The following MID1 variants were observed in gnomAD, a reference collection of about 807,000 sequenced individuals.
MID1 encodes E3 ubiquitin-protein ligase Midline-1.
A neutral mutation model predicts 40.4 loss-of-function variants in MID1; 7 were observed. That is an observed-to-expected ratio of 0.17 (90% CI 0.10 to 0.33). The LOEUF (loss-of-function observed/expected upper bound fraction) is 0.33. Among genes scored for constraint, MID1 ranks in the 10% least tolerant of loss-of-function variants. The probability of loss-of-function intolerance (pLI) is 1.00; values close to 1 mark genes in which losing one functional copy is unlikely to be tolerated. For synonymous variants in MID1, 229 were observed against 221.2 expected (o/e 1.04, Z -0.31); for missense variants, 367 against 558.5 (o/e 0.66, Z 3.46).
At chrX:10,724,620 G>A (rs1330081442) in intron 1 of MID1, among the ~76,000 whole-genome samples, 1 of 112,086 alleles carries the variant, frequency 8.9e-6, no homozygotes, top group Non-Finnish European at 1.9e-5. Context: ...CTCTTGGATG[G>A]GGTGTCACTT....
At chrX:10,524,070 T>C (rs976153058) in intron 2 of MID1, among the ~76,000 whole-genome samples, 2 of 111,858 alleles carry the variant, frequency 1.8e-5, no homozygotes, top group African/African-American at 6.5e-5. Context: ...CATTTTATTG[T>C]TCATGCTTCT....
chrX:10,832,982 G>A (rs1482270134), intron 1 of MID1, among the ~76,000 whole-genome samples: 1 of 112,616 alleles, frequency 8.9e-6, no homozygotes, highest in African/African-American at 3.2e-5. Context: ...CAAAACGCAA[G>A]AGCGAGTTTC....
At chrX:10,767,312 ATTTCTTTCTTTC>A (rs199553548) in intron 1 of MID1, among the ~76,000 whole-genome samples, 2 of 108,727 alleles carry the variant, frequency 1.8e-5, no homozygotes, top group Middle Eastern at 9.3e-3. Flanking sequence ...TAGCCTTTTG[ATTTCTTTCTTTC>A]TTTCTTTCTT....
chrX:10,698,986 C>T (rs974244583), intron 1 of MID1, among the ~76,000 whole-genome samples: 2 of 111,779 alleles, frequency 1.8e-5, no homozygotes, highest in Admixed American at 1.9e-4. Context: ...CCCCTAGCAG[C>T]CCCAAACCCT....
chrX:10,797,472 T>C (rs1274336058), intron 1 of MID1, among the ~76,000 whole-genome samples: 1 of 111,779 alleles, frequency 8.9e-6, no homozygotes, highest in Non-Finnish European at 1.9e-5. Context: ...TTACAACAAA[T>C]GCCAGTAAGT....
chrX:10,492,086 T>C (rs186685925), intron 4 of MID1, among the ~76,000 whole-genome samples: 1 of 112,080 alleles, frequency 8.9e-6, no homozygotes, highest in East Asian at 2.8e-4. Flanking sequence ...CTATCTATTT[T>C]TTTATTTCAT....
At chrX:10,491,075 A>G (rs897353307) in intron 4 of MID1, among the ~76,000 whole-genome samples, 3 of 111,983 alleles carry the variant, frequency 2.7e-5, no homozygotes, top group African/African-American at 9.7e-5. Context: ...TTTACAAGTA[A>G]AACTCCTCCT....
chrX:10,732,837 A>G (rs1170281934), intron 1 of MID1, among the ~76,000 whole-genome samples: 1 of 106,777 alleles, frequency 9.4e-6, no homozygotes, highest in Non-Finnish European at 1.9e-5. Flanking sequence ...CATACATGGT[A>G]AGTTGATTTT....
chrX:10,506,216 A>G, intron 3 of MID1: 1 of 964,169 alleles, frequency 1.0e-6, no homozygotes, highest in Non-Finnish European at 1.3e-6. Flanking sequence ...TTGAGTTTAG[A>G]GAAATTGAAC....
chrX:10,565,305 G>T (rs1273876260), intron 2 of MID1: 1 of 328,825 alleles, frequency 3.0e-6, no homozygotes, highest in African/African-American at 2.7e-5. Flanking sequence ...TGATGCTTTT[G>T]TTGCCCAAGT....
At chrX:10,598,024 G>A (rs762437272) in intron 1 of MID1, among the ~76,000 whole-genome samples, 51 of 111,577 alleles carry the variant, frequency 4.6e-4, no homozygotes, top group Non-Finnish European at 2.8e-4. Flanking sequence ...GGCCTGCTAA[G>A]TCTGCATCTC....
At chrX:10,816,675 C>CATAGAG (rs2147156033) in intron 1 of MID1, among the ~76,000 whole-genome samples, 1 of 112,168 alleles carries the variant, frequency 8.9e-6, no homozygotes, top group Non-Finnish European at 1.9e-5. Flanking sequence ...TAAATTGCAC[C>CATAGAG]TTTAGTGTTA....
chrX:10,725,645 G>T (rs922993169), intron 1 of MID1, among the ~76,000 whole-genome samples: 2 of 111,692 alleles, frequency 1.8e-5, no homozygotes, highest in Non-Finnish European at 3.8e-5. Flanking sequence ...GATCACTTGA[G>T]GTTAGGAGTT....
intron 1 of MID1, among the ~76,000 whole-genome samples, chrX:10,683,463 G>A (rs987541762): frequency 5.4e-5 from 6 of 110,982 alleles, no homozygotes; most frequent in African/African-American, 2.0e-4. Context: ...GATCGCTTGA[G>A]CTCAGGAGGT....
intron 3 of MID1, among the ~76,000 whole-genome samples, chrX:10,516,595 TGTGTGTGTGTGTGTGCGC>T (rs200791985): frequency 0.011 from 896 of 84,091 alleles, 7 homozygotes; most frequent in East Asian, 0.039. Context: ...TGTGTGTGTG[TGTGTGTGTGTGTGTGCGC>T]GCGCGCACGC....
At chrX:10,517,839 T>C (rs1176783844) in intron 3 of MID1, among the ~76,000 whole-genome samples, 1 of 112,538 alleles carries the variant, frequency 8.9e-6, no homozygotes, top group Non-Finnish European at 1.9e-5. Flanking sequence ...CTAGAAATAA[T>C]TTCTTGTTTC....
At chrX:10,717,142 A>T (rs757968461) in intron 1 of MID1, among the ~76,000 whole-genome samples, 24 of 111,827 alleles carry the variant, frequency 2.1e-4, no homozygotes, top group South Asian at 1.5e-3. Flanking sequence ...TCAACTAACG[A>T]GCAAAATAAC....
intron 1 of MID1, among the ~76,000 whole-genome samples, chrX:10,596,929 G>A (rs1935422887): frequency 9.0e-6 from 1 of 111,046 alleles, no homozygotes; most frequent in South Asian, 3.8e-4. Context: ...GAGGCTTGAA[G>A]CCCTCTAGAG....
chrX:10,727,199 C>T (rs150918850), intron 1 of MID1, among the ~76,000 whole-genome samples: 1,440 of 112,461 alleles, frequency 0.013, 13 homozygotes, highest in Non-Finnish European at 0.02. Flanking sequence ...ACTACAACCT[C>T]CTCCTCCTGG....
Sources: gnomAD v4.1 joint callset for allele counts (sites outside exome capture counted in the v4.1 genomes callset) on GRCh38, gnomAD v4.1.1 for gene constraint, MANE v1.5 for transcripts, NCBI Gene and HGNC (gene_info 2026-07-23, HGNC 2026-07-21) for gene names.